Variants in DIAPH3 observed in about 807,000 individuals in gnomAD.
DIAPH3 encodes protein diaphanous homolog 3.
DIAPH3 carries 117 observed loss-of-function variants against 144.3 expected under a neutral mutation model. That is an observed-to-expected ratio of 0.81 (90% CI 0.70 to 0.95). The LOEUF (loss-of-function observed/expected upper bound fraction) is 0.95, where lower values mean the gene tolerates loss of function less well. DIAPH3 is among the 40% of genes least tolerant of loss of function. The pLI is 0.00. For missense variants in DIAPH3, 1,421 were observed against 1,412.7 expected, an observed-to-expected ratio of 1.01 and a Z score of -0.09; for synonymous variants, 519 against 488.9, an observed-to-expected ratio of 1.06 and a Z score of -0.81.
At chr13:59,971,223 C>A in intron 15 of DIAPH3, 63 bp from the exon 16 acceptor site, 1 of 1,467,544 alleles carries the variant, frequency 6.8e-7, no homozygotes. Flanking sequence ...TAAATATGCA[C>A]TTTACTCAAA....
chr13:59,834,328 T>C (rs1329922467), intron 23 of DIAPH3, among the ~76,000 whole-genome samples: 3 of 151,734 alleles, frequency 2.0e-5, no homozygotes, highest in Non-Finnish European at 4.4e-5. Flanking sequence ...AAATGGAACA[T>C]AGTTAAATTT....
Position 60,010,588 on chromosome 13 carries a change from TCATA to T in DIAPH3, c.849_852del (p.Asn283LysfsTer2). On this transcript the variant is annotated frameshift_variant, in exon 8 of 28. Transcript: ENST00000400324. LOFTEE classifies it high-confidence loss of function. Reference sequence around the variant, plus strand: ...GAGAGAAGTTTAACCACATCTGTCATCATATTGGGGTGTCTGGGATCCACGGCTT... The same window carrying T: ...GAGAGAAGTTTAACCACATCTGTCATTTGGGGTGTCTGGGATCCACGGCTT... The T allele has an allele frequency of 6.2e-7, 1 of 1,613,478 alleles. No homozygotes were observed. The highest frequency in any genetic ancestry group is 8.5e-7 in the Non-Finnish European group (1 of 1,179,676).
At chr13:60,096,762 G>C (rs890422953) in intron 3 of DIAPH3, among the ~76,000 whole-genome samples, 1 of 152,064 alleles carries the variant, frequency 6.6e-6, no homozygotes, top group Admixed American at 6.5e-5. Context: ...TCAAGCTTTG[G>C]GCCCTGGGAC....
intron 5 of DIAPH3, among the ~76,000 whole-genome samples, chr13:60,021,573 A>C (rs1464208332): frequency 1.3e-5 from 2 of 151,898 alleles, no homozygotes; most frequent in East Asian, 3.9e-4. Flanking sequence ...GCAGTGAGCC[A>C]AGATGGTGCC....
At position 59,971,110 on chromosome 13, in the gene DIAPH3, T is replaced by C. The variant is rs978021616; in HGVS notation, c.1701A>G (p.Glu567=). The stretch of plus-strand genomic sequence containing the variant: ...GAAGTGCTGAGTGGCCAGTTCCACC[T>C]TCTTTAGAGGGAGGCAAAGGAATAT... The part of the protein sequence containing the change: ...DCNIPLPPSK[E]GGTGHSALPP... The change falls in exon 16 of 28, where the codon GAA becomes GAG. Residue 567 remains glutamate, a synonymous_variant. Transcript: ENST00000400324. The C allele has an allele frequency of 1.2e-6, 2 of 1,607,792 alleles. No homozygotes were observed. The highest frequency in any genetic ancestry group is 1.7e-6 in the Non-Finnish European group (2 of 1,176,698).
intron 22 of DIAPH3, among the ~76,000 whole-genome samples, chr13:59,848,433 C>A (rs1430188957): frequency 3.0e-4 from 46 of 151,484 alleles, no homozygotes; most frequent in African/African-American, 8.2e-4. Context: ...GTCATCTAGC[C>A]TTAGGTATAT....
chr13:59,748,299 C>A (rs908160224), intron 27 of DIAPH3, among the ~76,000 whole-genome samples: 2 of 152,194 alleles, frequency 1.3e-5, no homozygotes, highest in Non-Finnish European at 2.9e-5. Context: ...CTCTAGTTCT[C>A]TAGAGGGCTG....
chr13:59,854,669 C>A (rs575423596), intron 22 of DIAPH3, among the ~76,000 whole-genome samples: 1 of 152,264 alleles, frequency 6.6e-6, no homozygotes, highest in Non-Finnish European at 1.5e-5. Context: ...TATTGCTTTA[C>A]AGCCACAAGT....
chr13:60,073,597 T>A (rs998147211), intron 4 of DIAPH3, among the ~76,000 whole-genome samples: 4 of 152,212 alleles, frequency 2.6e-5, no homozygotes, highest in African/African-American at 7.2e-5. Flanking sequence ...GAGGTAAATA[T>A]CCCAGCTGCC....
At chr13:60,077,032 T>G (rs983362070) in intron 4 of DIAPH3, among the ~76,000 whole-genome samples, 3 of 152,126 alleles carry the variant, frequency 2.0e-5, no homozygotes, top group Non-Finnish European at 2.9e-5. Flanking sequence ...AAAGACTGCT[T>G]CATTAAGAGA....
At chr13:60,057,597 G>A (rs2056606818) in intron 4 of DIAPH3, among the ~76,000 whole-genome samples, 1 of 151,744 alleles carries the variant, frequency 6.6e-6, no homozygotes, top group Non-Finnish European at 1.5e-5. Flanking sequence ...AAGCAATACT[G>A]AGCAAAAACA....
chr13:59,975,357 T>A (rs1166485213), intron 14 of DIAPH3, among the ~76,000 whole-genome samples: 1 of 152,016 alleles, frequency 6.6e-6, no homozygotes, highest in Non-Finnish European at 1.5e-5. Flanking sequence ...ATAAAGGGAA[T>A]CTTACTTTGT....
In DIAPH3 at chr13:59,924,848, A is replaced by G. The variant is rs1169946631; in HGVS notation, c.2097T>C (p.Ile699=). ...TTTTCTTAATCGATTTCTTCTCTTC[A>G]ATATCTTCCTCTTCTCTTCTCTCTG... ...QQKERREEED[I]EEKKSIKKKI... Residue 699 remains isoleucine (I), a synonymous_variant, in exon 18 of 28, where the codon ATT becomes ATC. Transcript: ENST00000400324. 2 of 1,600,956 alleles carry G rather than the reference A, an allele frequency of 1.2e-6. No homozygotes were observed. Among genetic ancestry groups the G allele is most frequent in the Non-Finnish European group, 1.7e-6 (2 of 1,170,980 alleles).
chr13:59,996,291 G>C (rs893482488), intron 9 of DIAPH3, among the ~76,000 whole-genome samples: 2 of 152,022 alleles, frequency 1.3e-5, no homozygotes, highest in African/African-American at 4.8e-5. Context: ...TTATATGTTA[G>C]AAGTAACTGC....
intron 4 of DIAPH3, among the ~76,000 whole-genome samples, chr13:60,086,550 C>T (rs941865864): frequency 1.3e-5 from 2 of 151,582 alleles, no homozygotes; most frequent in Admixed American, 1.3e-4. Context: ...TTTTACTAAG[C>T]TTTTGTGTTA....
chr13:59,880,556 A>T (rs1409065622), intron 20 of DIAPH3, among the ~76,000 whole-genome samples: 4 of 152,122 alleles, frequency 2.6e-5, no homozygotes. Context: ...GGGATACAGA[A>T]AGCTATCAGC....
intron 27 of DIAPH3, among the ~76,000 whole-genome samples, chr13:59,693,922 C>A (rs932894249): frequency 2.0e-5 from 3 of 152,054 alleles, no homozygotes; most frequent in African/African-American, 7.2e-5. Context: ...TAGTATACAA[C>A]CTTCTAAATT....
chr13:60,152,253 C>T (rs1282893795), intron 1 of DIAPH3, among the ~76,000 whole-genome samples: 1 of 152,126 alleles, frequency 6.6e-6, no homozygotes, highest in Non-Finnish European at 1.5e-5. Context: ...TTTGACAGAA[C>T]TATGACTGAA....
At chr13:59,965,191 T>C (rs547272710) in intron 17 of DIAPH3, among the ~76,000 whole-genome samples, 1 of 152,270 alleles carries the variant, frequency 6.6e-6, no homozygotes, top group Admixed American at 6.5e-5. Flanking sequence ...TGTTTTTAAG[T>C]GGATAATCCA....
Sources: allele counts gnomAD v4.1 joint callset (sites outside exome capture counted in the v4.1 genomes callset), GRCh38; gene constraint gnomAD v4.1.1; transcripts MANE v1.5; gene names NCBI Gene and HGNC (gene_info 2026-07-23, HGNC 2026-07-21).